FEZ1: variants seen among roughly 807,000 people sequenced by gnomAD.
FEZ1 encodes the protein fasciculation and elongation protein zeta-1.
A neutral mutation model predicts 49.3 loss-of-function variants in FEZ1; 20 were observed. That is an observed-to-expected ratio of 0.41 (90% CI 0.29 to 0.59). FEZ1 has a LOEUF of 0.59. Ranked by LOEUF, FEZ1 falls within the 20% of genes least tolerant of loss-of-function variation. The pLI is 0.36. For synonymous variants in FEZ1, 170 were observed against 180.9 expected, an observed-to-expected ratio of 0.94 and a Z score of 0.48; for missense variants, 413 against 476.0, an observed-to-expected ratio of 0.87 and a Z score of 1.23.
intron 2 of FEZ1, among the ~76,000 whole-genome samples, chr11:125,486,499 G>C (rs1237711974): frequency 6.6e-6 from 1 of 152,222 alleles, no homozygotes; most frequent in Non-Finnish European, 1.5e-5. Flanking sequence ...TGCCCTGACA[G>C]ATCAGAGATA....
chr11:125,473,241 G>A (rs947736710), intron 3 of FEZ1, among the ~76,000 whole-genome samples: 12 of 152,140 alleles, frequency 7.9e-5, no homozygotes, highest in African/African-American at 2.9e-4. Flanking sequence ...AAGTAGATCC[G>A]CACATACATG....
intron 8 of FEZ1, among the ~76,000 whole-genome samples, chr11:125,450,113 C>G (rs746314721): frequency 9.2e-5 from 14 of 151,644 alleles, no homozygotes; most frequent in Non-Finnish European, 1.5e-4. Context: ...CTGCAACCTC[C>G]GCCTCCCGGG....
Position 125,489,875 on chromosome 11 carries a change from TAG to T in FEZ1, c.-45-55_-45-54del. On this transcript the variant is annotated intron_variant, in intron 1 of 9. Transcript: ENST00000278919. The surrounding 1 kb of genome is among the most constrained non-coding windows in gnomAD (Gnocchi z 4.2). ...GTTTAGACCAGGCTAATCTAAATAA[TAG>T]AGTTAACTTTAGAGACACACCTGCT... The T allele has an allele frequency of 7.1e-7, 1 of 1,410,768 alleles. No homozygotes were observed. Among genetic ancestry groups the T allele is most frequent in the Non-Finnish European group, 9.3e-7 (1 of 1,076,080 alleles). 87.4% of individuals were successfully genotyped at this position (1,410,768 alleles called of 1,614,324 possible).
chr11:125,494,520 T>G (rs1957438005), intron 1 of FEZ1, among the ~76,000 whole-genome samples: 1 of 152,234 alleles, frequency 6.6e-6, no homozygotes, highest in South Asian at 2.1e-4. Context: ...GCTTATTCCC[T>G]TTAGACTTCC....
chr11:125,445,769 T>G lies in FEZ1; in HGVS notation c.*326A>C, dbSNP rs1450805675. On this transcript the variant is annotated 3_prime_UTR_variant, in exon 10 of 10. Coordinates refer to ENST00000278919, the MANE Select transcript of FEZ1 (RefSeq NM_005103.5). This position sits in a 1 kb window ranked among gnomAD's most constrained non-coding sequence, Gnocchi z 4.4. ...GAAGAATATTAATTAAATGAAGGTT[T>G]TATTTCAAAATTAGTCTTAAGAGTA... 10 of 381,924 alleles carry G rather than the reference T, an allele frequency of 2.6e-5. No individual in the cohort carries two copies. In the Admixed American group the frequency reaches 3.3e-4, roughly 13 times the overall value. The allele number at this position is 381,924 out of a possible 1,614,324, so 23.7% of individuals were successfully genotyped here. A position where few individuals can be genotyped will look rare whatever the true frequency, so the allele number is the denominator to read the frequency against.
chr11:125,465,105 C>A (rs566863626), intron 3 of FEZ1, among the ~76,000 whole-genome samples: 25 of 152,150 alleles, frequency 1.6e-4, no homozygotes, highest in Non-Finnish European at 3.2e-4. Flanking sequence ...TCAATATGAA[C>A]CCAGCCCAAG....
At chr11:125,473,258 T>G (rs1484870087) in intron 3 of FEZ1, among the ~76,000 whole-genome samples, 1 of 152,198 alleles carries the variant, frequency 6.6e-6, no homozygotes, top group Non-Finnish European at 1.5e-5. Context: ...CATGATCAAT[T>G]GATTTTCAAC....
intron 3 of FEZ1, among the ~76,000 whole-genome samples, chr11:125,465,139 C>A (rs1320974739): frequency 6.6e-6 from 1 of 152,168 alleles, no homozygotes; most frequent in Non-Finnish European, 1.5e-5. Context: ...AAGTTAGGCT[C>A]ATCCTGGGAA....
intron 4 of FEZ1, 89 bp from the exon 5 acceptor site, chr11:125,460,755 A>T: frequency 9.0e-7 from 1 of 1,108,512 alleles, no homozygotes; most frequent in Middle Eastern, 2.3e-4. Flanking sequence ...GATGTTCCTA[A>T]TTAGCTATCT....
chr11:125,485,806 C>G lies in FEZ1; in HGVS notation c.311+3661G>C, dbSNP rs534658834. Among the ~76,000 whole-genome samples the G allele has an allele frequency of 2.1e-3, 321 of 150,726 alleles. 1 individual carries two copies. The highest frequency in any genetic ancestry group is 7.4e-3 in the African/African-American group (304 of 41,106). ...AAAAAAAAAAAAAAAATTAGTCCGGCGTGGCAGCGTTTGCCTGTAATCCCA... is the reference window on the plus strand; with the variant it reads ...AAAAAAAAAAAAAAAATTAGTCCGGGGTGGCAGCGTTTGCCTGTAATCCCA... On this transcript the variant is annotated intron_variant, in intron 2 of 9. Transcript: ENST00000278919.
intron 7 of FEZ1, 87 bp from the exon 8 acceptor site, chr11:125,452,496 T>G: frequency 2.5e-6 from 2 of 814,052 alleles, no homozygotes; most frequent in Middle Eastern, 2.2e-4. Context: ...AGACACACAC[T>G]GCAAATCTGA....
chr11:125,492,952 A>G, intron 1 of FEZ1, among the ~76,000 whole-genome samples: 1 of 149,482 alleles, frequency 6.7e-6, no homozygotes. Context: ...TGGGTGACAA[A>G]GTGAGACCCT....
chr11:125,488,684 AAAAACAAAAC>A (rs1257367294), intron 2 of FEZ1: 5 of 982,472 alleles, frequency 5.1e-6, no homozygotes, highest in African/African-American at 1.8e-5. Flanking sequence ...CATCTCAAAA[AAAAACAAAAC>A]AAAACAAAAC....
intron 3 of FEZ1, among the ~76,000 whole-genome samples, chr11:125,478,399 G>A (rs1190534837): frequency 2.6e-5 from 4 of 152,138 alleles, no homozygotes; most frequent in Non-Finnish European, 4.4e-5. Flanking sequence ...CCAAGATCGC[G>A]CCATTGCACT....
intron 3 of FEZ1, among the ~76,000 whole-genome samples, chr11:125,480,579 T>C (rs986076526): frequency 6.6e-6 from 1 of 152,174 alleles, no homozygotes; most frequent in Non-Finnish European, 1.5e-5. Context: ...GAGAAGCCCA[T>C]GACAGTTTCC....
intron 6 of FEZ1, chr11:125,455,558 C>T: frequency 2.1e-6 from 1 of 483,264 alleles, no homozygotes; most frequent in Non-Finnish European, 3.7e-6. Context: ...TACCCTCACT[C>T]CACTTTCTTT....
chr11:125,456,349 C>A, intron 5 of FEZ1: 1 of 425,106 alleles, frequency 2.4e-6, no homozygotes, highest in Non-Finnish European at 4.1e-6. Flanking sequence ...AAACAGCCCA[C>A]GAGGAAGTCT....
At chr11:125,463,617 A>C (rs373228302) in intron 3 of FEZ1, 47 bp from the exon 4 acceptor site, 2 of 1,155,560 alleles carry the variant, frequency 1.7e-6, no homozygotes, top group African/African-American at 3.0e-5. Context: ...CATCAGCAGA[A>C]GTGGGATTGC....
chr11:125,451,706 G>A (rs1020818364), intron 8 of FEZ1, among the ~76,000 whole-genome samples: 4 of 152,196 alleles, frequency 2.6e-5, no homozygotes, highest in South Asian at 4.1e-4. Context: ...TTTGGGGGTC[G>A]TACTGTTTGA....
Sources: allele counts gnomAD v4.1 joint callset (sites outside exome capture counted in the v4.1 genomes callset), GRCh38; gene constraint gnomAD v4.1.1; non-coding constraint Gnocchi (gnomAD v3.1); transcripts MANE v1.5; gene names NCBI Gene and HGNC (gene_info 2026-07-23, HGNC 2026-07-21).